The following UMAD1 variants were observed in gnomAD, a reference collection of about 807,000 sequenced individuals.
UMAD1 encodes UBAP1-MVB12-associated (UMA)-domain containing protein 1.
In UMAD1, 8 loss-of-function variants were observed where a neutral mutation model predicts 6.1. That is an observed-to-expected ratio of 1.30 (90% CI 0.76 to 2.35). The LOEUF (loss-of-function observed/expected upper bound fraction) is 2.35, where lower values mean the gene tolerates loss of function less well. Among genes scored for constraint, UMAD1 ranks in the 30% most tolerant of loss-of-function variants. The pLI is 0.00. For missense variants in UMAD1, 130 were observed against 78.4 expected (o/e 1.66, Z -2.49); for synonymous variants, 56 against 31.4 (o/e 1.78, Z -2.61).
chr7:7,673,364 C>CAGCAGCAGT lies in UMAD1; in HGVS notation c.-1_1insGTAGCAGCA. The CAGCAGCAGT allele has an allele frequency of 9.4e-7, 1 of 1,061,436 alleles. No homozygotes were observed. Among genetic ancestry groups the CAGCAGCAGT allele is most frequent in the East Asian group, 2.8e-5 (1 of 35,598 alleles). 65.8% of individuals were successfully genotyped at this position (1,061,436 alleles called of 1,614,324 possible). ...GCAGCAGCAGCAGCAGCAGCAGCAG[C>CAGCAGCAGT]AGCAGCAATGTTTCACTTCTTCAGA... On this transcript the variant is annotated 5_prime_UTR_variant, in exon 2 of 4. Coordinates refer to ENST00000682710, the MANE Select transcript of UMAD1 (RefSeq NM_001302348.2).
chr7:7,795,745 G>C (rs563901896), intron 2 of UMAD1, among the ~76,000 whole-genome samples: 1 of 152,164 alleles, frequency 6.6e-6, no homozygotes, highest in Non-Finnish European at 1.5e-5. Flanking sequence ...CAGTCATGAC[G>C]TTGGTGGGAG....
At chr7:7,777,576 T>TATATAC (rs1380089323) in intron 2 of UMAD1, among the ~76,000 whole-genome samples, 4 of 71,214 alleles carry the variant, frequency 5.6e-5, no homozygotes, top group African/African-American at 1.3e-4. Context: ...CATGAGCAAA[T>TATATAC]ATATATATAT....
chr7:7,767,299 G>A (rs577201638), intron 2 of UMAD1, among the ~76,000 whole-genome samples: 1 of 151,982 alleles, frequency 6.6e-6, no homozygotes, highest in African/African-American at 2.4e-5. Flanking sequence ...CTAATTTTTT[G>A]TATTTTTAGT....
intron 3 of UMAD1, among the ~76,000 whole-genome samples, chr7:7,814,361 C>A (rs1283623871): frequency 6.6e-6 from 1 of 152,058 alleles, no homozygotes; most frequent in African/African-American, 2.4e-5. Context: ...AAATTTTGTG[C>A]CTAACTTTGT....
chr7:7,839,033 A>G (rs1180005977), intron 3 of UMAD1, among the ~76,000 whole-genome samples: 1 of 152,218 alleles, frequency 6.6e-6, no homozygotes, highest in Non-Finnish European at 1.5e-5. Flanking sequence ...GAGTGAGAGC[A>G]GACTCCAGAG....
intron 2 of UMAD1, among the ~76,000 whole-genome samples, chr7:7,706,629 C>A (rs550628956): frequency 6.6e-6 from 1 of 152,034 alleles, no homozygotes; most frequent in Non-Finnish European, 1.5e-5. Flanking sequence ...ATGAAGATAA[C>A]TAATAATAAC....
At chr7:7,768,749 GAATA>G (rs962863932) in intron 2 of UMAD1, among the ~76,000 whole-genome samples, 10 of 151,964 alleles carry the variant, frequency 6.6e-5, no homozygotes, top group African/African-American at 9.7e-5. Context: ...CGTATTTGTT[GAATA>G]AATAAATAAA....
chr7:7,690,394 T>C (rs745561358), intron 2 of UMAD1, among the ~76,000 whole-genome samples: 67 of 152,142 alleles, frequency 4.4e-4, no homozygotes, highest in Non-Finnish European at 8.5e-4. Context: ...ACCAAGTATA[T>C]ATTATGTTTT....
chr7:7,668,942 A>G (rs1241562704), intron 1 of UMAD1, among the ~76,000 whole-genome samples: 1 of 152,160 alleles, frequency 6.6e-6, no homozygotes, highest in Admixed American at 6.5e-5. Flanking sequence ...GAAAGGAACC[A>G]TGTAGACATG....
chr7:7,644,940 CT>C (rs1785061906), intron 1 of UMAD1, among the ~76,000 whole-genome samples: 1 of 152,156 alleles, frequency 6.6e-6, no homozygotes, highest in African/African-American at 2.4e-5. Context: ...TCTTACTATC[CT>C]TGAGCCATTT....
chr7:7,877,367 A>C lies in UMAD1; in HGVS notation c.243A>C (p.Leu81Phe). The C allele has an allele frequency of 2.8e-6, 2 of 717,566 alleles. No homozygotes were observed. Among genetic ancestry groups the C allele is most frequent in the East Asian group, 5.4e-5 (2 of 37,286 alleles). The allele number at this position is 717,566 out of a possible 1,614,324, so 44.4% of individuals were successfully genotyped here. A position where few individuals can be genotyped will look rare whatever the true frequency, so the allele number is the denominator to read the frequency against. The change falls in exon 4 of 4, where the codon TTA becomes TTC. Residue 81 changes from leucine to phenylalanine, a missense_variant. By Grantham distance (22) the Leu-to-Phe change is conservative. Coordinates refer to ENST00000682710, the MANE Select transcript of UMAD1 (RefSeq NM_001302348.2). ...KAGQTLENSS[L>F]MAELLSDVPF... Reference sequence around the variant, plus strand: ...GCCAGACTCTGGAGAACAGCTCATTAATGGCCGAGCTCCTGAGCGATGTGC... The same window carrying C: ...GCCAGACTCTGGAGAACAGCTCATTCATGGCCGAGCTCCTGAGCGATGTGC...
chr7:7,816,521 T>G (rs1488944569), intron 3 of UMAD1, among the ~76,000 whole-genome samples: 1 of 152,226 alleles, frequency 6.6e-6, no homozygotes, highest in Non-Finnish European at 1.5e-5. Context: ...TGGGAATGAC[T>G]GCCTTGGGAT....
At chr7:7,853,393 G>A (rs1260875147) in intron 3 of UMAD1, among the ~76,000 whole-genome samples, 13 of 152,008 alleles carry the variant, frequency 8.6e-5, no homozygotes, top group African/African-American at 2.2e-4. Flanking sequence ...ATTTTGTAGC[G>A]CAATTTGAAG....
At chr7:7,763,802 T>G (rs1583807947) in intron 2 of UMAD1, among the ~76,000 whole-genome samples, 1 of 152,202 alleles carries the variant, frequency 6.6e-6, no homozygotes, top group East Asian at 1.9e-4. Context: ...AGCATAATGA[T>G]TTACAGCTTT....
At chr7:7,682,713 A>T (rs963051667) in intron 2 of UMAD1, among the ~76,000 whole-genome samples, 2 of 152,278 alleles carry the variant, frequency 1.3e-5, no homozygotes, top group East Asian at 3.9e-4. Context: ...AAAGTAACTT[A>T]CCCTATCGCT....
intron 2 of UMAD1, among the ~76,000 whole-genome samples, chr7:7,689,067 T>C (rs1780109429): frequency 6.6e-6 from 1 of 152,130 alleles, no homozygotes; most frequent in South Asian, 2.1e-4. Flanking sequence ...TGCTTGACCA[T>C]GCGTTTTAGG....
intron 1 of UMAD1, among the ~76,000 whole-genome samples, chr7:7,646,519 G>C (rs1387757281): frequency 1.6e-5 from 2 of 128,628 alleles, no homozygotes; most frequent in Non-Finnish European, 3.1e-5. Context: ...TCTCTCGTCT[G>C]ACACCATGTA....
At chr7:7,677,680 T>G (rs1253557292) in intron 2 of UMAD1, among the ~76,000 whole-genome samples, 8 of 140,140 alleles carry the variant, frequency 5.7e-5, no homozygotes, top group African/African-American at 8.1e-5. Context: ...TTTTTTTTTT[T>G]TTTTTTTTTT....
chr7:7,857,214 C>T (rs554205018), intron 3 of UMAD1, among the ~76,000 whole-genome samples: 2 of 152,324 alleles, frequency 1.3e-5, no homozygotes, highest in East Asian at 1.9e-4. Flanking sequence ...TGATGATGTA[C>T]TTCCCCTTTT....
Sources: gnomAD v4.1 joint callset for allele counts (sites outside exome capture counted in the v4.1 genomes callset) on GRCh38, gnomAD v4.1.1 for gene constraint, MANE v1.5 for transcripts, NCBI Gene and HGNC (gene_info 2026-07-23, HGNC 2026-07-21) for gene names.